Variants in AGBL4 observed in about 807,000 individuals in gnomAD.
AGBL4 encodes cytosolic carboxypeptidase 6.
AGBL4 carries 58 observed loss-of-function variants against 66.4 expected under a neutral mutation model. The ratio of observed to expected loss-of-function variants is 0.87; its 90% CI spans 0.71 to 1.09. The LOEUF (loss-of-function observed/expected upper bound fraction) is 1.09, where lower values mean the gene tolerates loss of function less well. Among genes scored for constraint, AGBL4 ranks in the 50% least tolerant of loss-of-function variants. The probability of loss-of-function intolerance (pLI) is 0.00; values close to 1 mark genes in which losing one functional copy is unlikely to be tolerated. For synonymous variants in AGBL4, 234 were observed against 222.9 expected (o/e 1.05, Z -0.44); for missense variants, 579 against 631.0 (o/e 0.92, Z 0.88).
At chr1:49,302,501 C>T (rs1300272597) in intron 3 of AGBL4, among the ~76,000 whole-genome samples, 1 of 151,896 alleles carries the variant, frequency 6.6e-6, no homozygotes. Flanking sequence ...GCAATCCACC[C>T]GCCTTGGCCT....
intron 3 of AGBL4, among the ~76,000 whole-genome samples, chr1:49,258,293 A>G (rs1227524410): frequency 2.0e-5 from 3 of 152,242 alleles, no homozygotes; most frequent in African/African-American, 7.2e-5. Context: ...GCAACGGAAC[A>G]AAGCTGGATG....
intron 5 of AGBL4, among the ~76,000 whole-genome samples, chr1:48,970,863 G>T (rs1658845100): frequency 6.6e-6 from 1 of 152,032 alleles, no homozygotes; most frequent in Admixed American, 6.6e-5. Flanking sequence ...AAATACAGAG[G>T]TTGGACACAG....
At chr1:49,023,417 G>A (rs1000511647) in intron 5 of AGBL4, among the ~76,000 whole-genome samples, 2 of 152,156 alleles carry the variant, frequency 1.3e-5, no homozygotes, top group Admixed American at 6.5e-5. Flanking sequence ...AATTGAGTGA[G>A]TCCCTTGCCC....
intron 9 of AGBL4, among the ~76,000 whole-genome samples, chr1:48,618,943 GA>G (rs59049128): frequency 0.038 from 5,499 of 145,880 alleles, 328 homozygotes; most frequent in African/African-American, 0.12. Context: ...ATTATACCAA[GA>G]AAAAAAAAAA....
At chr1:48,792,102 T>C (rs575678758) in intron 6 of AGBL4, among the ~76,000 whole-genome samples, 1 of 152,354 alleles carries the variant, frequency 6.6e-6, no homozygotes, top group Non-Finnish European at 1.5e-5. Context: ...GGCTGGGCCC[T>C]AGTTCAACAT....
chr1:49,970,020 T>C (rs76061649), intron 1 of AGBL4, among the ~76,000 whole-genome samples: 4,575 of 152,270 alleles, frequency 0.03, 117 homozygotes, highest in Non-Finnish European at 0.047. Flanking sequence ...CTTCAATAGA[T>C]AGTGTTGAGA....
intron 5 of AGBL4, among the ~76,000 whole-genome samples, chr1:49,016,976 C>T (rs1247594744): frequency 1.3e-5 from 2 of 152,198 alleles, no homozygotes; most frequent in African/African-American, 4.8e-5. Context: ...GTGTCAAGAG[C>T]TCCTGCCTGA....
chr1:49,925,419 T>C (rs1252128956), intron 1 of AGBL4, among the ~76,000 whole-genome samples: 1 of 151,688 alleles, frequency 6.6e-6, no homozygotes, highest in Non-Finnish European at 1.5e-5. Context: ...GGGTCTTGAG[T>C]GATAGTATGA....
At chr1:49,950,057 T>G (rs1655971386) in intron 1 of AGBL4, among the ~76,000 whole-genome samples, 1 of 142,662 alleles carries the variant, frequency 7.0e-6, no homozygotes, top group African/African-American at 2.6e-5. Flanking sequence ...TATGTGTATA[T>G]ATACACACAT....
intron 3 of AGBL4, among the ~76,000 whole-genome samples, chr1:49,693,340 T>G (rs981547089): frequency 3.9e-5 from 6 of 152,152 alleles, no homozygotes; most frequent in Non-Finnish European, 7.4e-5. Flanking sequence ...TTCACTACAT[T>G]GTTACTTATA....
chr1:49,724,473 A>G (rs1424608959), intron 2 of AGBL4, among the ~76,000 whole-genome samples: 1 of 152,170 alleles, frequency 6.6e-6, no homozygotes, highest in Non-Finnish European at 1.5e-5. Flanking sequence ...ACATTAATTG[A>G]ATCACTTCAA....
chr1:48,836,548 T>C (rs1041654844), intron 6 of AGBL4, among the ~76,000 whole-genome samples: 2 of 151,952 alleles, frequency 1.3e-5, no homozygotes, highest in Non-Finnish European at 2.9e-5. Context: ...GCCAGGTGTC[T>C]ACTGCACAAA....
rs1262901266 is a variant in AGBL4 at position 49,697,302 on chromosome 1, A to G, written c.282+11T>C. ...CAAAACCACTCTGAAGGTATCCACT[A>G]TTTCCCTCACCTGTGATTCTTTCAC... On this transcript the variant is annotated intron_variant, in intron 3 of 13. Transcript: ENST00000371839. The G allele has an allele frequency of 6.5e-7, 1 of 1,544,018 alleles. No homozygotes were observed. The highest frequency in any genetic ancestry group is 1.4e-5 in the African/African-American group (1 of 72,902).
chr1:49,004,490 C>A (rs1006036434), intron 5 of AGBL4, among the ~76,000 whole-genome samples: 1 of 152,172 alleles, frequency 6.6e-6, no homozygotes, highest in Admixed American at 6.5e-5. Flanking sequence ...TATGTCGCAG[C>A]CCCTATGGTA....
intron 5 of AGBL4, among the ~76,000 whole-genome samples, chr1:48,983,591 T>C (rs1324858583): frequency 6.6e-6 from 1 of 152,040 alleles, no homozygotes; most frequent in Non-Finnish European, 1.5e-5. Context: ...ATAGCAAAAA[T>C]GTAGAAAATT....
At chr1:49,766,924 C>T (rs931691422) in intron 2 of AGBL4, among the ~76,000 whole-genome samples, 2 of 152,070 alleles carry the variant, frequency 1.3e-5, no homozygotes, top group African/African-American at 2.4e-5. Context: ...TTAGAATGTA[C>T]ACAATATTAT....
chr1:49,871,807 C>A (rs1646845091), intron 1 of AGBL4, among the ~76,000 whole-genome samples: 2 of 152,060 alleles, frequency 1.3e-5, no homozygotes, highest in African/African-American at 4.8e-5. Context: ...TTCCACAGAA[C>A]CAAATTTCCT....
intron 4 of AGBL4, among the ~76,000 whole-genome samples, chr1:49,108,410 A>C (rs1557646849): frequency 6.6e-6 from 1 of 152,226 alleles, no homozygotes; most frequent in Non-Finnish European, 1.5e-5. Context: ...AAAGTAGAAA[A>C]AAGAAAAGCA....
At chr1:49,709,816 T>C (rs1478559040) in intron 2 of AGBL4, among the ~76,000 whole-genome samples, 2 of 152,196 alleles carry the variant, frequency 1.3e-5, no homozygotes, top group Non-Finnish European at 2.9e-5. Context: ...AGAAGACATT[T>C]ATGCAGCAAA....
Sources: gnomAD v4.1 joint callset for allele counts (sites outside exome capture counted in the v4.1 genomes callset) on GRCh38, gnomAD v4.1.1 for gene constraint, MANE v1.5 for transcripts, NCBI Gene and HGNC (gene_info 2026-07-23, HGNC 2026-07-21) for gene names.